BAG4: variants seen among roughly 807,000 people sequenced by gnomAD.
BAG4 encodes the protein BAG family molecular chaperone regulator 4.
Under a neutral mutation model 52.1 loss-of-function variants are expected in BAG4, and 28 were observed. The observed-to-expected ratio is 0.54, with a 90% CI of 0.40 to 0.74. The LOEUF (loss-of-function observed/expected upper bound fraction) is 0.74, where lower values mean the gene tolerates loss of function less well. Among genes scored for constraint, BAG4 ranks in the 30% least tolerant of loss-of-function variants. BAG4 has a pLI of 0.00. For synonymous variants in BAG4, 208 were observed against 217.0 expected (o/e 0.96, Z 0.37); for missense variants, 525 against 572.0 (o/e 0.92, Z 0.84).
intron 1 of BAG4, among the ~76,000 whole-genome samples, chr8:38,192,374 A>G (rs1454204183): frequency 6.6e-6 from 1 of 152,154 alleles, no homozygotes; most frequent in Non-Finnish European, 1.5e-5. Context: ...GTTTTGTCAT[A>G]GAGCATTTGA....
At chr8:38,188,273 A>G (rs539115939) in intron 1 of BAG4, among the ~76,000 whole-genome samples, 133 of 152,016 alleles carry the variant, frequency 8.7e-4, no homozygotes, top group African/African-American at 1.7e-3. Context: ...TTAAATGTGC[A>G]TGGATTAAGC....
At chr8:38,199,737 A>G (rs1179526653) in intron 2 of BAG4, among the ~76,000 whole-genome samples, 1 of 151,856 alleles carries the variant, frequency 6.6e-6, no homozygotes, top group Non-Finnish European at 1.5e-5. Context: ...GTTAGTCAGG[A>G]TGGTCTTGAC....
In BAG4 at chr8:38,210,162, A is replaced by G; in HGVS notation, c.1043A>G (p.Tyr348Cys). The G allele has an allele frequency of 6.2e-7, 1 of 1,614,178 alleles. No homozygotes were observed. Among genetic ancestry groups the G allele is most frequent in the Non-Finnish European group, 8.5e-7 (1 of 1,180,032 alleles). The change falls in exon 5 of 5, where the codon TAT (tyrosine) becomes TGT (cysteine). Residue 348 changes from tyrosine (Y) to cysteine (C), a missense_variant. Tyr to Cys is a radical substitution (Grantham distance 194). This residue lies in a region of BAG4 where 238 missense variants were observed against 305.8 expected (regional missense o/e 0.78). Transcript: ENST00000287322. The stretch of plus-strand genomic sequence containing the variant: ...CAGTATAGTGCTGAGCCTCAGCTGT[A>G]TGGTAATGCCACCAGTGACCATCCC... Reference protein sequence around the residue: ...QVQYSAEPQLYGNATSDHPNN... With the variant: ...QVQYSAEPQLCGNATSDHPNN...
intron 1 of BAG4, among the ~76,000 whole-genome samples, chr8:38,185,865 G>A (rs879063456): frequency 1.3e-5 from 2 of 152,046 alleles, no homozygotes; most frequent in Non-Finnish European, 2.9e-5. Flanking sequence ...GCCTGGCCAT[G>A]AAGAAACACT....
chr8:38,192,927 A>C, intron 2 of BAG4, 132 bp downstream of exon 2: 22 of 579,258 alleles, frequency 3.8e-5, no homozygotes, highest in Non-Finnish European at 5.8e-5. Flanking sequence ...CATCAATCTC[A>C]TCTTAATGTT....
At chr8:38,194,847 G>GTTTTTTTTT (rs533901451) in intron 2 of BAG4, among the ~76,000 whole-genome samples, 68 of 116,488 alleles carry the variant, frequency 5.8e-4, no homozygotes, top group Non-Finnish European at 7.4e-4. Flanking sequence ...GTTTTTTTTT[G>GTTTTTTTTT]TTTTTTTTTT....
intron 2 of BAG4, chr8:38,203,850 AAAAG>A: frequency 6.3e-6 from 1 of 157,936 alleles, no homozygotes; most frequent in Non-Finnish European, 1.4e-5. Context: ...AAAAAAAAAA[AAAAG>A]TCCTTGTGAT....
intron 1 of BAG4, among the ~76,000 whole-genome samples, chr8:38,185,129 AG>A (rs1401180354): frequency 6.6e-6 from 1 of 151,352 alleles, no homozygotes; most frequent in Non-Finnish European, 1.5e-5. Context: ...TTTGGACCTG[AG>A]GGGCAAGGGG....
At chr8:38,197,529 G>T (rs1048357406) in intron 2 of BAG4, among the ~76,000 whole-genome samples, 2 of 152,200 alleles carry the variant, frequency 1.3e-5, no homozygotes, top group Admixed American at 6.5e-5. Context: ...AGGACTGGAA[G>T]TTACTCTGGG....
intron 2 of BAG4, among the ~76,000 whole-genome samples, chr8:38,207,098 G>A (rs1256458424): frequency 4.0e-5 from 6 of 151,686 alleles, no homozygotes; most frequent in Non-Finnish European, 8.8e-5. Flanking sequence ...GATTACAGGC[G>A]CCTGCCACCA....
Position 38,207,686 on chromosome 8 carries a change from C to T in BAG4, c.553C>T (p.Arg185Cys), listed in dbSNP as rs1383614818. Residue 185 changes from arginine (R) to cysteine (C), a missense_variant, in exon 3 of 5, where the codon CGT (arginine) becomes TGT (cysteine). Arg to Cys is a radical substitution (Grantham distance 180, BLOSUM62 -3). Transcript: ENST00000287322. ...TGGCAACAGCCCAACTCCAGTCTCT[C>T]GTTGGATCTATCCCCAGCAGGACTG... Reference protein sequence around the residue: ...SSGNSPTPVSRWIYPQQDCQT... With the variant: ...SSGNSPTPVSCWIYPQQDCQT... The T allele has an allele frequency of 1.9e-6, 3 of 1,614,052 alleles. No individual in the cohort carries two copies. Among genetic ancestry groups the T allele is most frequent in the Non-Finnish European group, 1.7e-6 (2 of 1,179,914 alleles).
chr8:38,208,917 T>G (rs1803820444), intron 3 of BAG4, 96 bp from the exon 4 acceptor site: 3 of 1,395,012 alleles, frequency 2.2e-6, no homozygotes, highest in Non-Finnish European at 2.9e-6. Flanking sequence ...TATACTCTGT[T>G]AAGAAGAGAG....
intron 1 of BAG4, among the ~76,000 whole-genome samples, chr8:38,183,084 G>A (rs192496450): frequency 1.7e-5 from 2 of 120,212 alleles, no homozygotes; most frequent in African/African-American, 3.2e-5. Flanking sequence ...TCTCTTTGTC[G>A]CCCAGGCTGG....
chr8:38,191,760 CAAA>C (rs35851034), intron 1 of BAG4, among the ~76,000 whole-genome samples: 8 of 72,604 alleles, frequency 1.1e-4, no homozygotes, highest in African/African-American at 2.2e-4. Flanking sequence ...AACTCTGTCT[CAAA>C]AAAAAAAAAA....
intron 3 of BAG4, among the ~76,000 whole-genome samples, chr8:38,208,261 C>T (rs1563285839): frequency 6.7e-6 from 1 of 150,050 alleles, no homozygotes; most frequent in Admixed American, 6.7e-5. Flanking sequence ...AGGCATGAGC[C>T]ACCGTGCCAG....
At position 38,176,891 on chromosome 8, in the gene BAG4, G is replaced by A. The variant is rs1331151184; in HGVS notation, c.22G>A (p.Gly8Ser). 1 of 1,544,658 alleles carries A rather than the reference G, an allele frequency of 6.5e-7. No individual in the cohort carries two copies. The highest frequency in any genetic ancestry group is 8.7e-7 in the Non-Finnish European group (1 of 1,144,532). MSALRRS[G>S]YGPSDGPSYG... Reference sequence around the variant, plus strand: ...TCCCATGTCGGCCCTGAGGCGCTCGGGCTACGGCCCCAGTGACGGTCCGTC... The same window carrying A: ...TCCCATGTCGGCCCTGAGGCGCTCGAGCTACGGCCCCAGTGACGGTCCGTC... Residue 8 changes from glycine to serine, a missense_variant, in exon 1 of 5, where the codon GGC becomes AGC. Physicochemically the swap from Gly to Ser is moderately conservative, Grantham distance 56. Around this residue, in one of 2 missense-constraint regions of BAG4, gnomAD observed 287 missense variants for 266.1 expected, o/e 1.08. Transcript: ENST00000287322.
In BAG4 at chr8:38,176,944, T is replaced by C; in HGVS notation, c.75T>C (p.Gly25=). 6.4e-7 allele frequency: 1 copy of C among 1,554,154 alleles called. No homozygotes were observed. Among genetic ancestry groups the C allele is most frequent in the Non-Finnish European group, 8.7e-7 (1 of 1,149,602 alleles). Residue 25 remains glycine, a synonymous_variant, in exon 1 of 5, where the codon GGT becomes GGC. Transcript: ENST00000287322. The stretch of plus-strand genomic sequence containing the variant: ...ACGGCCGCTACTACGGGCCTGGGGG[T>C]GGAGATGTGCCGGTACACCCACCTC... ...PSYGRYYGPG[G]GDVPVHPPPP...
intron 2 of BAG4, among the ~76,000 whole-genome samples, chr8:38,194,804 T>A (rs531962697): frequency 6.6e-6 from 1 of 151,872 alleles, no homozygotes; most frequent in South Asian, 2.1e-4. Flanking sequence ...CATATTTCCA[T>A]TATATTTTTT....
rs538877541 is a variant in BAG4, at chr8:38,180,471, C to T, written c.270+3332C>T. Among the ~76,000 whole-genome samples the T allele has an allele frequency of 5.8e-5, 8 of 137,494 alleles. No individual in the cohort carries two copies. In the South Asian group the frequency reaches 1.4e-3, roughly 23 times the overall value. 90.2% of individuals were successfully genotyped at this position (137,494 alleles called of 152,430 possible). On this transcript the variant is annotated intron_variant, in intron 1 of 4. Transcript: ENST00000287322. The stretch of plus-strand genomic sequence containing the variant: ...CCGGGAGGCAGAAGTTGCAGTGAGC[C>T]GAGATCATGCCACTGCACCCCAGCC...
Sources: allele counts gnomAD v4.1 joint callset (sites outside exome capture counted in the v4.1 genomes callset), GRCh38; gene constraint gnomAD v4.1.1; regional missense constraint gnomAD v4.1.1; transcripts MANE v1.5; gene names NCBI Gene and HGNC (gene_info 2026-07-23, HGNC 2026-07-21).